Variants in NFASC observed in about 807,000 individuals in gnomAD.
The protein encoded by NFASC is neurofascin homolog.
In NFASC, 43 loss-of-function variants were observed where a neutral mutation model predicts 147.5. That is an observed-to-expected ratio of 0.29 (90% CI 0.23 to 0.38). The LOEUF (loss-of-function observed/expected upper bound fraction) is 0.38. Ranked by LOEUF, NFASC falls within the 10% of genes least tolerant of loss-of-function variation. The pLI is 1.00. For synonymous variants in NFASC, 622 were observed against 665.5 expected (o/e 0.93, Z 1.01); for missense variants, 1,320 against 1,689.0 (o/e 0.78, Z 3.83).
At position 204,997,359 on chromosome 1, in the gene NFASC, C is replaced by G; in HGVS notation, c.2972C>G (p.Thr991Arg). The change falls in exon 25 of 30, where the codon ACG becomes AGG. Residue 991 changes from threonine (T) to arginine (R), a missense_variant. Around this residue, in one of 3 missense-constraint regions of NFASC, gnomAD observed 172 missense variants for 165.8 expected, o/e 1.04. Coordinates refer to ENST00000339876, the MANE Select transcript of NFASC (RefSeq NM_001005388.3). ...ACCACTGCTGCCGCCACCACCACCA[C>G]GGAGAGTCCTCCCACCACCACCTCC... ...TTTTAAATTTTESPPTTTSGT... is the reference protein window; with the variant it reads ...TTTTAAATTTRESPPTTTSGT... The G allele has an allele frequency of 6.4e-7, 1 of 1,556,016 alleles. No homozygotes were observed. The highest frequency in any genetic ancestry group is 8.7e-7 in the Non-Finnish European group (1 of 1,149,460).
chr1:204,891,444 T>C (rs1244923493), intron 1 of NFASC, among the ~76,000 whole-genome samples: 1 of 152,164 alleles, frequency 6.6e-6, no homozygotes. Flanking sequence ...CTGGGATCTC[T>C]GAATAGGTCC....
At chr1:204,945,420 C>T (rs1284072730) in intron 3 of NFASC, among the ~76,000 whole-genome samples, 1 of 152,234 alleles carries the variant, frequency 6.6e-6, no homozygotes, top group African/African-American at 2.4e-5. Flanking sequence ...TCCCTGAGCT[C>T]TCCAAAGCCA....
intron 11 of NFASC, among the ~76,000 whole-genome samples, chr1:204,971,881 C>T (rs1405319269): frequency 6.6e-6 from 1 of 152,190 alleles, no homozygotes; most frequent in Non-Finnish European, 1.5e-5. Flanking sequence ...TAGGCAATTG[C>T]GCTAAACTTT....
intron 1 of NFASC, among the ~76,000 whole-genome samples, chr1:204,877,698 C>G (rs1220127974): frequency 6.6e-6 from 1 of 152,076 alleles, no homozygotes; most frequent in Non-Finnish European, 1.5e-5. Context: ...TTTTGTTTAT[C>G]CATTTATCCA....
In NFASC at chr1:204,979,141, G is replaced by T; in HGVS notation, c.1978+72G>T. 1 of 1,320,610 alleles carries T rather than the reference G, an allele frequency of 7.6e-7. No individual in the cohort carries two copies. Among genetic ancestry groups the T allele is most frequent in the Non-Finnish European group, 1.1e-6 (1 of 948,780 alleles). 81.8% of individuals were successfully genotyped at this position (1,320,610 alleles called of 1,614,324 possible). A position where few individuals can be genotyped will look rare whatever the true frequency, so the allele number is the denominator to read the frequency against. On this transcript the variant is annotated intron_variant, in intron 18 of 29. Transcript: ENST00000339876. The surrounding 1 kb of genome is among the most constrained non-coding windows in gnomAD (Gnocchi z 6.0). ...CACCCTTAAACCGAAGGCCTTTCCT[G>T]GTTTCCAGCCCCACTTCTGCCTCGC...
At position 204,920,715 on chromosome 1, in the gene NFASC, G is replaced by A. The variant is rs769703153; in HGVS notation, c.-116G>A. 7.8e-7 allele frequency: 1 copy of A among 1,289,298 alleles called. No individual in the cohort carries two copies. Among genetic ancestry groups the A allele is most frequent in the South Asian group, 1.2e-5 (1 of 81,002 alleles). 79.9% of individuals were successfully genotyped at this position (1,289,298 alleles called of 1,614,324 possible). ...AACAGAGCCTCCTCTGGTGTTGCAA[G>A]GAAGAGGCTGAATGAGGCAGAGAAG... On this transcript the variant is annotated 5_prime_UTR_variant, in exon 2 of 30. Transcript: ENST00000339876.
intron 2 of NFASC, among the ~76,000 whole-genome samples, chr1:204,936,797 C>T (rs1021151284): frequency 2.6e-5 from 4 of 152,206 alleles, no homozygotes; most frequent in African/African-American, 9.6e-5. Flanking sequence ...CAGCCGCTTC[C>T]TATCATGCTT....
At chr1:204,970,074 C>CAAAAAAAA (rs11307141) in intron 10 of NFASC, among the ~76,000 whole-genome samples, 3 of 65,468 alleles carry the variant, frequency 4.6e-5, no homozygotes, top group Non-Finnish European at 8.2e-5. Context: ...GACTCCATCT[C>CAAAAAAAA]AAAAAAAAAA....
chr1:204,913,657 T>C (rs1348263248), intron 1 of NFASC, among the ~76,000 whole-genome samples: 2 of 152,066 alleles, frequency 1.3e-5, no homozygotes, highest in African/African-American at 4.8e-5. Context: ...AAGTTCTAGA[T>C]GGATTAAGAT....
intron 2 of NFASC, among the ~76,000 whole-genome samples, chr1:204,941,958 C>T (rs2093389597): frequency 1.3e-5 from 2 of 152,144 alleles, no homozygotes; most frequent in African/African-American, 4.8e-5. Flanking sequence ...TTAAAAAGCA[C>T]ATGATGGTCC....
rs994693989 is a variant in NFASC at position 204,986,446 on chromosome 1, C to T, written c.2471-972C>T. On this transcript the variant is annotated intron_variant, in intron 21 of 29. Coordinates refer to ENST00000339876, the MANE Select transcript of NFASC (RefSeq NM_001005388.3). The surrounding 1 kb of genome is among the most constrained non-coding windows in gnomAD (Gnocchi z 4.2). ...CCGAGGCAGAAGGCAGCACGTCCAT[C>T]CTGACTGCCTGGAACCATCTGATTT... Among the ~76,000 whole-genome samples, 1 of 152,264 alleles carries T rather than the reference C, an allele frequency of 6.6e-6. No homozygotes were observed. Among genetic ancestry groups the T allele is most frequent in the Admixed American group, 6.5e-5 (1 of 15,286 alleles).
chr1:204,922,888 C>A (rs1258786111), intron 2 of NFASC, among the ~76,000 whole-genome samples: 1 of 152,188 alleles, frequency 6.6e-6, no homozygotes, highest in Admixed American at 6.5e-5. Flanking sequence ...TAATCGTCAT[C>A]ATTATAATAA....
In NFASC at chr1:205,015,510, C is replaced by T. The variant is rs1482947220; in HGVS notation, c.3492-798C>T. 2.0e-5 allele frequency among the ~76,000 whole-genome samples: 3 copies of T among 152,166 alleles called. No individual in the cohort carries two copies. Among genetic ancestry groups the T allele is most frequent in the African/African-American group, 7.2e-5 (3 of 41,456 alleles). ...CAGACATCCCAACTGGGTGGCTGTT[C>T]CCAGCGGCCCGTGCAGCTTTACTCG... On this transcript the variant is annotated intron_variant, in intron 29 of 29. Coordinates refer to ENST00000339876, the MANE Select transcript of NFASC (RefSeq NM_001005388.3). This position sits in a 1 kb window ranked among gnomAD's most constrained non-coding sequence, Gnocchi z 4.0.
intron 1 of NFASC, among the ~76,000 whole-genome samples, chr1:204,890,116 G>C (rs1418023201): frequency 1.3e-5 from 2 of 152,176 alleles, no homozygotes; most frequent in African/African-American, 2.4e-5. Context: ...CAGGCAAATT[G>C]GTTGACTTGC....
At chr1:204,982,846 C>G (rs1383877552) in intron 21 of NFASC, among the ~76,000 whole-genome samples, 1 of 151,988 alleles carries the variant, frequency 6.6e-6, no homozygotes, top group Non-Finnish European at 1.5e-5. Flanking sequence ...GGAGGAGGGA[C>G]AGTCTTGAGT....
At chr1:204,842,807 G>A (rs1675746303) in intron 1 of NFASC, among the ~76,000 whole-genome samples, 2 of 152,226 alleles carry the variant, frequency 1.3e-5, no homozygotes, top group Admixed American at 1.3e-4. Context: ...TGGTGGGCCC[G>A]CAGATTCCTG....
chr1:204,863,841 CT>C (rs2076880321), intron 1 of NFASC, among the ~76,000 whole-genome samples: 2 of 113,418 alleles, frequency 1.8e-5, no homozygotes. Flanking sequence ...AAGCAAGACT[CT>C]GTCTCAAAAA....
intron 1 of NFASC, among the ~76,000 whole-genome samples, chr1:204,890,354 T>C (rs890230241): frequency 6.6e-6 from 1 of 152,150 alleles, no homozygotes; most frequent in Non-Finnish European, 1.5e-5. Flanking sequence ...GACGGCACTA[T>C]GTGAAAACCT....
chr1:204,867,830 G>A (rs779312717), intron 1 of NFASC, among the ~76,000 whole-genome samples: 19 of 152,108 alleles, frequency 1.2e-4, no homozygotes, highest in Non-Finnish European at 2.4e-4. Context: ...GGCGGGTACC[G>A]ACTCAGCCCA....
Sources: allele counts gnomAD v4.1 joint callset (sites outside exome capture counted in the v4.1 genomes callset), GRCh38; gene constraint gnomAD v4.1.1; regional missense constraint gnomAD v4.1.1; non-coding constraint Gnocchi (gnomAD v3.1); transcripts MANE v1.5; gene names NCBI Gene and HGNC (gene_info 2026-07-23, HGNC 2026-07-21).